The following CYP2C18 variants were observed in gnomAD, a reference collection of about 807,000 sequenced individuals.
CYP2C18 encodes the protein cytochrome P450 family 2 subfamily C member 18.
CYP2C18 carries 38 observed loss-of-function variants against 41.3 expected under a neutral mutation model. The observed-to-expected ratio is 0.92, with a 90% confidence interval of 0.71 to 1.21. The LOEUF (loss-of-function observed/expected upper bound fraction) is 1.21. Ranked by LOEUF, CYP2C18 falls within the 50% of genes most tolerant of loss-of-function variation. The probability of loss-of-function intolerance (pLI) is 0.00; values close to 1 mark genes in which losing one functional copy is unlikely to be tolerated. For synonymous variants in CYP2C18, 236 were observed against 210.0 expected (o/e 1.12, Z -1.07); for missense variants, 635 against 591.4 (o/e 1.07, Z -0.77).
At chr10:94,730,162 A>G (rs966996092) in intron 7 of CYP2C18, among the ~76,000 whole-genome samples, 2 of 152,128 alleles carry the variant, frequency 1.3e-5, no homozygotes, top group African/African-American at 2.4e-5. Context: ...AGCTATTTTT[A>G]TAAGTACTTG....
At chr10:94,714,769 A>AC (rs1847508984) in intron 5 of CYP2C18, among the ~76,000 whole-genome samples, 1 of 152,196 alleles carries the variant, frequency 6.6e-6, no homozygotes, top group Non-Finnish European at 1.5e-5. Flanking sequence ...TACCTTGGGA[A>AC]GTATGGCCAT....
At chr10:94,707,086 T>G (rs1847358224) in intron 5 of CYP2C18, 126 bp downstream of exon 5, 3 of 603,320 alleles carry the variant, frequency 5.0e-6, no homozygotes, top group Non-Finnish European at 8.4e-6. Context: ...TAGATCTGGA[T>G]GAAGCACCAT....
chr10:94,730,121 C>G (rs1458992733), intron 7 of CYP2C18, among the ~76,000 whole-genome samples: 1 of 152,078 alleles, frequency 6.6e-6, no homozygotes, highest in Admixed American at 6.6e-5. Context: ...TGATGTTCCT[C>G]TAGTACAACT....
chr10:94,709,545 T>C (rs191012987), intron 5 of CYP2C18, among the ~76,000 whole-genome samples: 1 of 152,338 alleles, frequency 6.6e-6, no homozygotes, highest in East Asian at 1.9e-4. Flanking sequence ...TCTCCCATTT[T>C]GTCAAGTGTC....
intron 4 of CYP2C18, among the ~76,000 whole-genome samples, chr10:94,704,195 A>T (rs1847295651): frequency 6.6e-6 from 1 of 152,138 alleles, no homozygotes; most frequent in Non-Finnish European, 1.5e-5. Context: ...CCCCAATCCC[A>T]GTCCAGAACT....
intron 7 of CYP2C18, among the ~76,000 whole-genome samples, chr10:94,733,053 C>T (rs1244477333): frequency 6.6e-6 from 1 of 152,060 alleles, no homozygotes; most frequent in Non-Finnish European, 1.5e-5. Context: ...CAGAAGGCTG[C>T]CCCCGAGTAC....
chr10:94,693,103 C>T (rs144838049), intron 3 of CYP2C18, among the ~76,000 whole-genome samples: 3,886 of 152,052 alleles, frequency 0.026, 152 homozygotes, highest in African/African-American at 0.076. Flanking sequence ...ACATGGCACA[C>T]GTATACATAT....
intron 3 of CYP2C18, among the ~76,000 whole-genome samples, chr10:94,688,826 T>C (rs1846944887): frequency 6.6e-6 from 1 of 152,224 alleles, no homozygotes; most frequent in African/African-American, 2.4e-5. Context: ...CAAAGTGTAA[T>C]TGTGGGTTAT....
chr10:94,726,925 C>T (rs1425293955), intron 7 of CYP2C18, among the ~76,000 whole-genome samples: 1 of 152,080 alleles, frequency 6.6e-6, no homozygotes, highest in Non-Finnish European at 1.5e-5. Context: ...AGGTTGAAAT[C>T]ACTATTGCCA....
intron 4 of CYP2C18, among the ~76,000 whole-genome samples, chr10:94,696,296 G>C (rs549482481): frequency 1.1e-4 from 16 of 152,276 alleles, no homozygotes; most frequent in South Asian, 2.1e-4. Flanking sequence ...CCAGAGGAAC[G>C]ATCAGGTAGC....
chr10:94,699,146 T>C (rs959790261), intron 4 of CYP2C18, among the ~76,000 whole-genome samples: 3 of 152,176 alleles, frequency 2.0e-5, no homozygotes, highest in Admixed American at 1.3e-4. Context: ...AGCATCATAC[T>C]GATACCAAAG....
intron 3 of CYP2C18, among the ~76,000 whole-genome samples, chr10:94,691,512 T>G (rs529900715): frequency 1.3e-5 from 2 of 152,066 alleles, no homozygotes; most frequent in African/African-American, 2.4e-5. Context: ...CACTGCTCAC[T>G]GAAATAAAAG....
At chr10:94,703,607 G>T (rs1223387757) in intron 4 of CYP2C18, among the ~76,000 whole-genome samples, 1 of 152,106 alleles carries the variant, frequency 6.6e-6, no homozygotes, top group East Asian at 1.9e-4. Flanking sequence ...AGCATCCGAG[G>T]TCGACTTCAG....
intron 5 of CYP2C18, among the ~76,000 whole-genome samples, chr10:94,717,834 A>T (rs187542149): frequency 3.3e-5 from 5 of 152,218 alleles, no homozygotes; most frequent in East Asian, 1.9e-4. Context: ...TGCCAGTACC[A>T]TGCTGTTTTA....
At chr10:94,708,610 A>C (rs550467392) in intron 5 of CYP2C18, among the ~76,000 whole-genome samples, 1 of 152,270 alleles carries the variant, frequency 6.6e-6, no homozygotes, top group African/African-American at 2.4e-5. Context: ...CACATATTGT[A>C]CCCTCATACA....
chr10:94,686,332 A>G (rs1049866441), intron 1 of CYP2C18, among the ~76,000 whole-genome samples: 6 of 152,172 alleles, frequency 3.9e-5, no homozygotes, highest in African/African-American at 1.4e-4. Flanking sequence ...TTCATCAGGA[A>G]ACAGACAATT....
intron 5 of CYP2C18, among the ~76,000 whole-genome samples, chr10:94,709,126 A>T (rs1847391870): frequency 6.6e-6 from 1 of 152,142 alleles, no homozygotes; most frequent in African/African-American, 2.4e-5. Context: ...CTGTATGCTT[A>T]ATCTTTGGAG....
chr10:94,733,318 C>A lies in CYP2C18; in HGVS notation c.1171C>A (p.Leu391Met), dbSNP rs764062484. ...TCAGGGCACGACCATAATAACATCC[C>A]TGACTTCTGTGCTGCACAATGACAA... ...IPKGTTIITSLTSVLHNDKEF... is the reference protein window; with the variant it reads ...IPKGTTIITSMTSVLHNDKEF... Residue 391 changes from leucine (L) to methionine (M), a missense_variant, in exon 8 of 9, where the codon CTG becomes ATG. Physicochemically the swap from Leu to Met is conservative, Grantham distance 15 (BLOSUM62 2). Transcript: ENST00000285979. 3 of 1,612,764 alleles carry A rather than the reference C, an allele frequency of 1.9e-6. No individual in the cohort carries two copies. Among genetic ancestry groups the A allele is most frequent in the African/African-American group, 2.7e-5 (2 of 74,844 alleles).
chr10:94,683,906 C>T lies in CYP2C18; in HGVS notation c.87C>T (p.Leu29=), dbSNP rs775990957. Residue 29 remains leucine (L), a synonymous_variant, in exon 1 of 9, where the codon CTC becomes CTT. Transcript: ENST00000285979. ...LWRQSSGRGR[L]PSGPTPLPII... ...GGCAGAGCTCTGGAAGAGGGAGGCT[C>T]CCGTCTGGCCCCACTCCTCTCCCGA... The T allele has an allele frequency of 3.7e-6, 6 of 1,611,250 alleles. No individual in the cohort carries two copies. Among genetic ancestry groups the T allele is most frequent in the Admixed American group, 1.7e-5 (1 of 59,588 alleles).
Sources: gnomAD v4.1 joint callset for allele counts (sites outside exome capture counted in the v4.1 genomes callset) on GRCh38, gnomAD v4.1.1 for gene constraint, MANE v1.5 for transcripts, NCBI Gene and HGNC (gene_info 2026-07-23, HGNC 2026-07-21) for gene names.